RAP1GDS1: variants seen among roughly 807,000 people sequenced by gnomAD.
The protein encoded by RAP1GDS1 is RAP1, GTP-GDP dissociation stimulator 1.
Under a neutral mutation model 71.1 loss-of-function variants are expected in RAP1GDS1, and 35 were observed. That is an observed-to-expected ratio of 0.49 (90% CI 0.38 to 0.65). The LOEUF (loss-of-function observed/expected upper bound fraction) is 0.65, where lower values mean the gene tolerates loss of function less well. Ranked by LOEUF, RAP1GDS1 falls within the 30% of genes least tolerant of loss-of-function variation. The pLI is 0.00. For missense variants in RAP1GDS1, 663 were observed against 706.1 expected (o/e 0.94, Z 0.69); for synonymous variants, 229 against 243.1 (o/e 0.94, Z 0.54).
chr4:98,380,105 C>A (rs1741775616), intron 5 of RAP1GDS1, among the ~76,000 whole-genome samples: 1 of 150,306 alleles, frequency 6.7e-6, no homozygotes, highest in Non-Finnish European at 1.5e-5. Context: ...AAAGATAAAC[C>A]TTGGCAATAA....
Position 98,331,800 on chromosome 4 carries a change from A to G in RAP1GDS1, c.113-11339A>G, listed in dbSNP as rs1734054705. Among the ~76,000 whole-genome samples the G allele has an allele frequency of 2.0e-5, 3 of 152,334 alleles. No individual in the cohort carries two copies. In the South Asian group the frequency reaches 6.2e-4, roughly 32 times the overall value. The stretch of plus-strand genomic sequence containing the variant: ...CAAAAAATCTTAATTTAGAATTTTG[A>G]GCTTGGGAAAGCCTGCCAAAGATGT... On this transcript the variant is annotated intron_variant, in intron 2 of 14. Transcript: ENST00000408927.
At chr4:98,275,131 C>T (rs565208873) in intron 1 of RAP1GDS1, among the ~76,000 whole-genome samples, 6 of 151,748 alleles carry the variant, frequency 4.0e-5, no homozygotes, top group East Asian at 1.9e-4. Flanking sequence ...CTTTGTCTTG[C>T]GAATGTGATG....
At chr4:98,419,317 G>T (rs1174106344) in intron 10 of RAP1GDS1, among the ~76,000 whole-genome samples, 1 of 152,030 alleles carries the variant, frequency 6.6e-6, no homozygotes, top group Non-Finnish European at 1.5e-5. Flanking sequence ...GCCTCCTAAA[G>T]TGCTGGGATT....
chr4:98,299,255 G>A (rs939300450), intron 2 of RAP1GDS1, among the ~76,000 whole-genome samples: 2 of 152,248 alleles, frequency 1.3e-5, no homozygotes, highest in Non-Finnish European at 2.9e-5. Flanking sequence ...TTTTATGTCT[G>A]CATAGTATTC....
intron 1 of RAP1GDS1, among the ~76,000 whole-genome samples, chr4:98,290,622 GA>G (rs1355793518): frequency 6.6e-6 from 1 of 151,566 alleles, no homozygotes; most frequent in Non-Finnish European, 1.5e-5. Flanking sequence ...TAAGATAAAA[GA>G]AAAAAAAGGC....
chr4:98,429,557 C>T (rs962362613), intron 12 of RAP1GDS1, among the ~76,000 whole-genome samples: 1 of 152,048 alleles, frequency 6.6e-6, no homozygotes, highest in African/African-American at 2.4e-5. Flanking sequence ...GTATACTGCT[C>T]GGGTGATGGG....
At chr4:98,413,634 G>A (rs1181965973) in intron 7 of RAP1GDS1, among the ~76,000 whole-genome samples, 1 of 151,724 alleles carries the variant, frequency 6.6e-6, no homozygotes, top group African/African-American at 2.4e-5. Flanking sequence ...GGACATTTGG[G>A]TTGGTTCCAA....
intron 2 of RAP1GDS1, among the ~76,000 whole-genome samples, chr4:98,295,331 G>A (rs1031404341): frequency 6.6e-6 from 1 of 152,090 alleles, no homozygotes; most frequent in African/African-American, 2.4e-5. Context: ...AACTAATGAT[G>A]CCCCAGGAAG....
At position 98,350,577 on chromosome 4, in the gene RAP1GDS1, C is replaced by T. The variant is rs143126022; in HGVS notation, c.236-1899C>T. On this transcript the variant is annotated intron_variant, in intron 3 of 14. Transcript: ENST00000408927. ...AAAATTGGCCGGGCGTGGTGGCTCA[C>T]GGCTGTAATCTCAGCACTTTGGGAG... is the stretch of plus-strand genomic sequence containing the variant. 1.9e-3 allele frequency among the ~76,000 whole-genome samples: 286 copies of T among 152,212 alleles called. 1 individual carries two copies. The highest frequency in any genetic ancestry group is 6.4e-3 in the African/African-American group (264 of 41,540).
At chr4:98,270,736 A>G (rs879203584) in intron 1 of RAP1GDS1, among the ~76,000 whole-genome samples, 3 of 151,812 alleles carry the variant, frequency 2.0e-5, no homozygotes, top group Non-Finnish European at 2.9e-5. Flanking sequence ...TTTTTTTTCA[A>G]TAAAAGCTAT....
At chr4:98,305,109 C>G (rs1190306696) in intron 2 of RAP1GDS1, among the ~76,000 whole-genome samples, 1 of 152,100 alleles carries the variant, frequency 6.6e-6, no homozygotes, top group East Asian at 1.9e-4. Context: ...CATGACGCCT[C>G]TAGCTTTGTT....
intron 4 of RAP1GDS1, among the ~76,000 whole-genome samples, chr4:98,373,700 A>T (rs1204629915): frequency 1.3e-5 from 2 of 152,198 alleles, no homozygotes; most frequent in African/African-American, 2.4e-5. Flanking sequence ...TGTATATATC[A>T]TGTCTTTTTA....
intron 4 of RAP1GDS1, among the ~76,000 whole-genome samples, chr4:98,359,347 A>G (rs1738403222): frequency 1.3e-5 from 2 of 152,198 alleles, no homozygotes; most frequent in African/African-American, 2.4e-5. Context: ...TGATATTAAA[A>G]TGAGAAAGGA....
At chr4:98,418,232 G>A (rs1404878289) in intron 9 of RAP1GDS1, among the ~76,000 whole-genome samples, 1 of 151,976 alleles carries the variant, frequency 6.6e-6, no homozygotes, top group Non-Finnish European at 1.5e-5. Flanking sequence ...GGTAAATAGT[G>A]GTTCATTATA....
chr4:98,288,050 C>G (rs983994232), intron 1 of RAP1GDS1, among the ~76,000 whole-genome samples: 1 of 151,722 alleles, frequency 6.6e-6, no homozygotes, highest in Non-Finnish European at 1.5e-5. Flanking sequence ...CTTTTTTTTA[C>G]TATAAGTTTT....
At chr4:98,303,669 G>T (rs1395845422) in intron 2 of RAP1GDS1, among the ~76,000 whole-genome samples, 1 of 101,716 alleles carries the variant, frequency 9.8e-6, no homozygotes, top group Non-Finnish European at 2.2e-5. Context: ...TAATATAATT[G>T]GGGTATTCAG....
At chr4:98,262,722 ATCTGTTAATACAGTGC>A (rs1181946154) in intron 1 of RAP1GDS1, among the ~76,000 whole-genome samples, 4 of 152,172 alleles carry the variant, frequency 2.6e-5, no homozygotes, top group African/African-American at 9.7e-5. Flanking sequence ...TGGTCCTTTC[ATCTGTTAATACAGTGC>A]TCAACACGTT....
chr4:98,434,619 C>CT (rs557173513), intron 13 of RAP1GDS1, among the ~76,000 whole-genome samples: 8,251 of 134,410 alleles, frequency 0.061, 553 homozygotes, highest in African/African-American at 0.17. Context: ...TTTAACATAG[C>CT]TTTTTTTTTT....
intron 2 of RAP1GDS1, among the ~76,000 whole-genome samples, chr4:98,332,714 G>C (rs1157443909): frequency 6.6e-6 from 1 of 152,148 alleles, no homozygotes; most frequent in African/African-American, 2.4e-5. Context: ...AAATTAGATG[G>C]AATCTGTTAG....
Sources: allele counts gnomAD v4.1 joint callset (sites outside exome capture counted in the v4.1 genomes callset), GRCh38; gene constraint gnomAD v4.1.1; transcripts MANE v1.5; gene names NCBI Gene and HGNC (gene_info 2026-07-23, HGNC 2026-07-21).